Variants in DNAH17 observed in about 807,000 individuals in gnomAD.
DNAH17 encodes dynein axonemal heavy chain 17.
In DNAH17, 376 loss-of-function variants were observed where a neutral mutation model predicts 485.6. The observed-to-expected ratio is 0.77, with a 90% CI of 0.71 to 0.84. The LOEUF is 0.84. Among genes scored for constraint, DNAH17 ranks in the 40% least tolerant of loss-of-function variants. DNAH17 has a pLI of 0.00. For synonymous variants in DNAH17, 3,031 were observed against 2,405.9 expected, an observed-to-expected ratio of 1.26 and a Z score of -7.60; for missense variants, 6,370 against 5,839.3, an observed-to-expected ratio of 1.09 and a Z score of -2.96.
intron 2 of DNAH17, among the ~76,000 whole-genome samples, chr17:78,573,449 A>G (rs2092388205): frequency 6.6e-6 from 1 of 152,020 alleles, no homozygotes; most frequent in African/African-American, 2.4e-5. Context: ...AAATATAAAA[A>G]TTAGCCAGGC....
chr17:78,575,732 G>T (rs188955147), intron 1 of DNAH17, among the ~76,000 whole-genome samples: 1 of 149,100 alleles, frequency 6.7e-6, no homozygotes, highest in Non-Finnish European at 1.5e-5. Context: ...CTAGAGAATT[G>T]GGGGGAAGGG....
intron 20 of DNAH17, among the ~76,000 whole-genome samples, chr17:78,531,337 CTTTTTTTTTT>C (rs35874440): frequency 1.6e-5 from 2 of 122,370 alleles, no homozygotes; most frequent in Non-Finnish European, 3.4e-5. Flanking sequence ...TAAAGTCTGT[CTTTTTTTTTT>C]TTTTTTTTTT....
chr17:78,525,297 G>C, intron 24 of DNAH17, 136 bp from the exon 25 acceptor site: 1 of 1,314,788 alleles, frequency 7.6e-7, no homozygotes, highest in Non-Finnish European at 1.0e-6. Flanking sequence ...ATACAACGGT[G>C]TCCCACCTGG....
chr17:78,538,133 G>A (rs1002471640), intron 18 of DNAH17, among the ~76,000 whole-genome samples: 11 of 66,856 alleles, frequency 1.6e-4, no homozygotes, highest in African/African-American at 7.9e-4. Flanking sequence ...GCAAAACTCT[G>A]TCTCCAAAAA....
Position 78,450,681 on chromosome 17 carries a change from C to T in DNAH17, c.10899+1G>A. The T allele has an allele frequency of 1.2e-6, 2 of 1,611,792 alleles. No homozygotes were observed. Among genetic ancestry groups the T allele is most frequent in the Non-Finnish European group, 1.7e-6 (2 of 1,179,074 alleles). On this transcript the variant is annotated splice_donor_variant, in intron 67 of 80. Coordinates refer to ENST00000389840, the MANE Select transcript of DNAH17 (RefSeq NM_173628.4). LOFTEE classifies it high-confidence loss of function. ...GGGCACGTCACCGAGGCAGCTCTGA[C>T]CTTCTCCTCGATCTCGCTGGCTGTG...
chr17:78,528,867 T>G (rs2091149342), intron 22 of DNAH17, among the ~76,000 whole-genome samples: 1 of 150,958 alleles, frequency 6.6e-6, no homozygotes, highest in South Asian at 2.1e-4. Context: ...GACCTTGTTC[T>G]CTCTCCACCA....
At chr17:78,544,954 G>C (rs1477712300) in intron 16 of DNAH17, among the ~76,000 whole-genome samples, 1 of 150,036 alleles carries the variant, frequency 6.7e-6, no homozygotes, top group African/African-American at 2.5e-5. Flanking sequence ...AGTTTTTTTT[G>C]TCAAAAAACA....
Position 78,547,860 on chromosome 17 carries a change from G to A in DNAH17, c.2391+3675C>T, listed in dbSNP as rs191289564. Among the ~76,000 whole-genome samples, 606 of 142,034 alleles carry A rather than the reference G, an allele frequency of 4.3e-3. 6 individuals carry two copies. Among genetic ancestry groups the A allele is most frequent in the African/African-American group, 0.016 (561 of 35,428 alleles). 93.2% of individuals were successfully genotyped at this position (142,034 alleles called of 152,430 possible). A position where few individuals can be genotyped will look rare whatever the true frequency, so the allele number is the denominator to read the frequency against. The stretch of plus-strand genomic sequence containing the variant: ...CTTGAACTCCTGACCTCAAGTGATC[G>A]GCCTGCCTTGGCCTCCCAAAGTGCT... On this transcript the variant is annotated intron_variant, in intron 16 of 80. Transcript: ENST00000389840.
At chr17:78,445,808 T>C (rs559263211) in intron 69 of DNAH17, 128 bp from the exon 70 acceptor site, 1 of 1,003,612 alleles carries the variant, frequency 1.0e-6, no homozygotes, top group Non-Finnish European at 1.4e-6. Context: ...CCTGCCCCTT[T>C]GGTTTGGGGT....
chr17:78,496,017 C>G lies in DNAH17; in HGVS notation c.5761G>C (p.Asp1921His). The G allele has an allele frequency of 3.7e-6, 6 of 1,613,768 alleles. No homozygotes were observed. The highest frequency in any genetic ancestry group is 5.1e-6 in the Non-Finnish European group (6 of 1,179,758). ...GCTTTTTTCTTGGCCCGAATTGCATCCTGGACACATTTTACCTGCACGGTT... is the reference window on the plus strand; with the variant it reads ...GCTTTTTTCTTGGCCCGAATTGCATGCTGGACACATTTTACCTGCACGGTT... ...VIAVQVKCVQ[D>H]AIRAKKKAFN... The change falls in exon 38 of 81, where the codon GAT (aspartate) becomes CAT (histidine). Residue 1921 changes from aspartate to histidine, a missense_variant. By Grantham distance (81) the Asp-to-His change is moderately conservative (BLOSUM62 -1). Transcript: ENST00000389840.
In DNAH17 at chr17:78,510,633, G is replaced by A. The variant is rs2090609769; in HGVS notation, c.4114-127C>T. 6.9e-6 allele frequency: 9 copies of A among 1,295,800 alleles called. No homozygotes were observed. In the East Asian group the frequency reaches 7.1e-5, roughly 10 times the overall value. The allele number at this position is 1,295,800 out of a possible 1,614,324, so 80.3% of individuals were successfully genotyped here. Reference sequence around the variant, plus strand: ...CCCGGGCTGCTGGAGGGAGGGAGGCGAGCTCTGCTCTGCCATTTTCAGCTC... The same window carrying A: ...CCCGGGCTGCTGGAGGGAGGGAGGCAAGCTCTGCTCTGCCATTTTCAGCTC... On this transcript the variant is annotated intron_variant, in intron 26 of 80. Transcript: ENST00000389840.
rs1207210693 is a variant in DNAH17, at chr17:78,449,442, A to C, written c.11183T>G (p.Leu3728Arg). The C allele has an allele frequency of 1.3e-6, 2 of 1,551,382 alleles. No homozygotes were observed. Among genetic ancestry groups the C allele is most frequent in the Non-Finnish European group, 1.7e-6 (2 of 1,146,902 alleles). ...AAACGTAACTTGTGCCAGGAAAATG[A>C]GTTTGTCCCTCTCGAAGAGTCCCCG... ...TARGLFERDKLIFLAQVTFQV... is the reference protein window; with the variant it reads ...TARGLFERDKRIFLAQVTFQV... Residue 3728 changes from leucine (L) to arginine (R), a missense_variant, in exon 69 of 81, where the codon CTC becomes CGC. Leu to Arg is a moderately radical substitution (Grantham distance 102). Transcript: ENST00000389840.
intron 27 of DNAH17, among the ~76,000 whole-genome samples, chr17:78,509,572 C>T (rs946012618): frequency 7.9e-5 from 12 of 152,112 alleles, no homozygotes; most frequent in African/African-American, 2.9e-4. Context: ...TGTGACAATT[C>T]AAACTCACAA....
chr17:78,462,740 C>T (rs1265718488), intron 57 of DNAH17, 104 bp downstream of exon 57: 14 of 1,121,518 alleles, frequency 1.2e-5, no homozygotes, highest in Non-Finnish European at 1.8e-5. Flanking sequence ...TTAGGCAGTG[C>T]TGAGCCCCAG....
intron 16 of DNAH17, among the ~76,000 whole-genome samples, chr17:78,544,599 G>A (rs1316582088): frequency 1.3e-5 from 2 of 151,968 alleles, no homozygotes; most frequent in Non-Finnish European, 1.5e-5. Context: ...TCAGGAGATC[G>A]AGACCATCCT....
chr17:78,492,092 C>T (rs1388633255), intron 42 of DNAH17, among the ~76,000 whole-genome samples: 3 of 152,014 alleles, frequency 2.0e-5, no homozygotes, highest in Admixed American at 6.6e-5. Flanking sequence ...GGGTAGGGTG[C>T]GGGGGACAGG....
intron 48 of DNAH17, among the ~76,000 whole-genome samples, chr17:78,483,090 C>T (rs1182487465): frequency 6.6e-6 from 1 of 152,006 alleles, no homozygotes; most frequent in Non-Finnish European, 1.5e-5. Context: ...GTCCTCCTCT[C>T]CTGTCTGGGT....
intron 80 of DNAH17, chr17:78,424,991 C>T (rs1039459511): frequency 3.4e-5 from 6 of 177,624 alleles, no homozygotes; most frequent in East Asian, 1.6e-4. Flanking sequence ...AGCCACAAAA[C>T]GCACTTCTGC....
In DNAH17 at chr17:78,553,488, C is replaced by T. The variant is rs566240351; in HGVS notation, c.2179-683G>A. Among the ~76,000 whole-genome samples, 23 of 151,528 alleles carry T rather than the reference C, an allele frequency of 1.5e-4. No homozygotes were observed. In the South Asian group the frequency reaches 2.5e-3, roughly 17 times the overall value. The stretch of plus-strand genomic sequence containing the variant: ...AGCTAATTTTTGTATTTTTAGTAGA[C>T]GCAGGGTTTCACTATGTTGGCCAGG... On this transcript the variant is annotated intron_variant, in intron 14 of 80. Transcript: ENST00000389840.
Sources: allele counts gnomAD v4.1 joint callset (sites outside exome capture counted in the v4.1 genomes callset), GRCh38; gene constraint gnomAD v4.1.1; transcripts MANE v1.5; gene names NCBI Gene and HGNC (gene_info 2026-07-23, HGNC 2026-07-21).